Variants in CCDC93 observed in about 807,000 individuals in gnomAD.
CCDC93 encodes the protein CCC complex scaffolding subunit CCDC93, also known as coiled-coil domain-containing protein 93.
In CCDC93, 61 loss-of-function variants were observed where a neutral mutation model predicts 108.2. The observed-to-expected ratio is 0.56, with a 90% CI of 0.46 to 0.70. The LOEUF (loss-of-function observed/expected upper bound fraction) is 0.70, where lower values mean the gene tolerates loss of function less well. CCDC93 is among the 30% of genes least tolerant of loss of function. CCDC93 has a pLI of 0.00. For synonymous variants in CCDC93, 276 were observed against 260.4 expected (o/e 1.06, Z -0.58); for missense variants, 685 against 764.2 (o/e 0.90, Z 1.22).
chr2:117,956,998 C>T (rs1409505879), intron 12 of CCDC93, among the ~76,000 whole-genome samples: 1 of 151,860 alleles, frequency 6.6e-6, no homozygotes, highest in Admixed American at 6.5e-5. Context: ...TCAAGCAATT[C>T]TCCTGCCTCA....
intron 11 of CCDC93, among the ~76,000 whole-genome samples, chr2:117,962,595 G>A (rs1368015749): frequency 1.3e-5 from 2 of 152,158 alleles, no homozygotes; most frequent in African/African-American, 4.8e-5. Context: ...GTGAGCCGAG[G>A]TCACACCACT....
intron 23 of CCDC93, among the ~76,000 whole-genome samples, chr2:117,920,653 A>G (rs1677830282): frequency 1.3e-5 from 2 of 152,184 alleles, no homozygotes; most frequent in South Asian, 4.1e-4. Flanking sequence ...GTCATTCCAA[A>G]AGACTTCATG....
chr2:117,951,235 T>C (rs1446914290), intron 13 of CCDC93: 5 of 985,138 alleles, frequency 5.1e-6, no homozygotes, highest in Admixed American at 1.2e-4. Context: ...CACAGAGGGC[T>C]CCCAACCCGC....
chr2:117,974,938 C>T, intron 9 of CCDC93, 38 bp from the exon 10 acceptor site: 2 of 1,535,486 alleles, frequency 1.3e-6, no homozygotes, highest in African/African-American at 2.7e-5. Flanking sequence ...GTGAGTGGTT[C>T]TGAACATGTA....
chr2:117,983,568 AATG>A (rs1168769534), intron 7 of CCDC93, among the ~76,000 whole-genome samples: 3 of 136,170 alleles, frequency 2.2e-5, no homozygotes, highest in African/African-American at 8.4e-5. Flanking sequence ...TAATAAGGAG[AATG>A]ATGACAGCAG....
intron 13 of CCDC93, among the ~76,000 whole-genome samples, chr2:117,951,941 A>G (rs1679069284): frequency 6.6e-6 from 1 of 152,080 alleles, no homozygotes; most frequent in South Asian, 2.1e-4. Context: ...CTGAACAATT[A>G]TATCACTCTG....
intron 12 of CCDC93, among the ~76,000 whole-genome samples, chr2:117,956,385 C>G (rs1308234079): frequency 6.6e-6 from 1 of 152,158 alleles, no homozygotes; most frequent in South Asian, 2.1e-4. Flanking sequence ...AAGAATGAGT[C>G]AAGACTGCCA....
chr2:117,948,131 C>G lies in CCDC93; in HGVS notation c.1198G>C (p.Glu400Gln), dbSNP rs527316000. The change falls in exon 15 of 24, where the codon GAA becomes CAA. Residue 400 changes from glutamate (E) to glutamine (Q), a missense_variant. Coordinates refer to ENST00000376300, the MANE Select transcript of CCDC93 (RefSeq NM_019044.5). The stretch of plus-strand genomic sequence containing the variant: ...CGACAATGTGCTTTAAATTCCTGTT[C>G]TTGACTTTTCAGATTTTCATTCATG... ...VAMNENLKSQ[E>Q]QEFKAHCREE... The G allele has an allele frequency of 1.2e-6, 2 of 1,613,808 alleles. No homozygotes were observed. The highest frequency in any genetic ancestry group is 2.2e-5 in the South Asian group (2 of 91,066).
chr2:117,934,304 C>G (rs904307123), intron 22 of CCDC93, among the ~76,000 whole-genome samples: 1 of 152,156 alleles, frequency 6.6e-6, no homozygotes, highest in Non-Finnish European at 1.5e-5. Flanking sequence ...CCTGGGTTGT[C>G]AGAGGCTTTT....
chr2:117,973,917 A>G lies in CCDC93; in HGVS notation c.879T>C (p.Tyr293=), dbSNP rs766320969. 13 of 1,611,192 alleles carry G rather than the reference A, an allele frequency of 8.1e-6. No homozygotes were observed. Among genetic ancestry groups the G allele is most frequent in the South Asian group, 3.3e-5 (3 of 90,424 alleles). Residue 293 remains tyrosine (Y), a synonymous_variant, in exon 11 of 24, where the codon TAT becomes TAC. Transcript: ENST00000376300. ...CTGGGCCCCCACCTACCTTCTCTGC[A>G]TACTCGGACACAATCTGCTTGATCT... The part of the protein sequence containing the change: ...SAEIKQIVSE[Y]AEKQSELSAE...
At chr2:117,925,385 T>A (rs1170463256) in intron 23 of CCDC93, among the ~76,000 whole-genome samples, 1 of 152,108 alleles carries the variant, frequency 6.6e-6, no homozygotes. Flanking sequence ...CCATCTCATA[T>A]GCAGAGACAC....
rs1280069466 is a variant in CCDC93 at position 117,919,608 on chromosome 2, A to G, written c.*735T>C. 1 of 152,186 alleles carries G rather than the reference A, an allele frequency of 6.6e-6. No individual in the cohort carries two copies. The highest frequency in any genetic ancestry group is 1.5e-5 in the Non-Finnish European group (1 of 68,038). The allele number at this position is 152,186 out of a possible 1,614,324, so 9.4% of individuals were successfully genotyped here. A position where few individuals can be genotyped will look rare whatever the true frequency, so the allele number is the denominator to read the frequency against. Reference sequence around the variant, plus strand: ...TGAACATTGGGGCAGGGGAAGGTATAATTTTTATTGACGTGTCCTCAGCAC... The same window carrying G: ...TGAACATTGGGGCAGGGGAAGGTATGATTTTTATTGACGTGTCCTCAGCAC... On this transcript the variant is annotated 3_prime_UTR_variant, in exon 24 of 24. Transcript: ENST00000376300.
intron 14 of CCDC93, 88 bp downstream of exon 14, chr2:117,949,234 T>C: frequency 1.1e-6 from 1 of 893,452 alleles, no homozygotes; most frequent in Non-Finnish European, 1.9e-6. Flanking sequence ...TTGGCTGCTT[T>C]GTTCTGTGTT....
intron 7 of CCDC93, among the ~76,000 whole-genome samples, chr2:117,979,511 C>T (rs1423139476): frequency 6.6e-6 from 1 of 152,188 alleles, no homozygotes; most frequent in African/African-American, 2.4e-5. Context: ...CTGTATCATT[C>T]TCCTGAGGGC....
intron 11 of CCDC93, among the ~76,000 whole-genome samples, chr2:117,972,564 C>T (rs973528293): frequency 4.6e-5 from 7 of 151,706 alleles, no homozygotes; most frequent in Admixed American, 1.3e-4. Flanking sequence ...AGAGCTCCTA[C>T]GTGCTCCCTG....
At chr2:117,989,175 G>A (rs1273544519) in intron 6 of CCDC93, among the ~76,000 whole-genome samples, 1 of 152,152 alleles carries the variant, frequency 6.6e-6, no homozygotes, top group Non-Finnish European at 1.5e-5. Flanking sequence ...AAAACTGTTG[G>A]CATTTTCCAA....
chr2:118,003,475 T>C lies in CCDC93; in HGVS notation c.252-2543A>G, dbSNP rs549608216. ...TAACTATGCAGGGGCACGTGATCAA[T>C]ACAGCCTTTCCTTAGTTACATTTTG... On this transcript the variant is annotated intron_variant, in intron 3 of 23. Coordinates refer to ENST00000376300, the MANE Select transcript of CCDC93 (RefSeq NM_019044.5). 1.5e-4 allele frequency among the ~76,000 whole-genome samples: 23 copies of C among 152,320 alleles called. 1 individual carries two copies. In the South Asian group the frequency reaches 2.9e-3, roughly 19 times the overall value.
At chr2:117,978,281 A>C (rs552032596) in intron 7 of CCDC93, among the ~76,000 whole-genome samples, 1 of 152,260 alleles carries the variant, frequency 6.6e-6, no homozygotes, top group East Asian at 1.9e-4. Context: ...GGAATGCAAC[A>C]TTTTCCTTAA....
At chr2:117,975,130 C>T (rs1431800726) in intron 9 of CCDC93, 58 bp downstream of exon 9, 16 of 1,459,300 alleles carry the variant, frequency 1.1e-5, no homozygotes, top group South Asian at 9.3e-5. Flanking sequence ...GATAAGAGTA[C>T]GATTTCTCCC....
Sources: allele counts gnomAD v4.1 joint callset (sites outside exome capture counted in the v4.1 genomes callset), GRCh38; gene constraint gnomAD v4.1.1; transcripts MANE v1.5; gene names NCBI Gene and HGNC (gene_info 2026-07-23, HGNC 2026-07-21).